HECW2: variants seen among roughly 807,000 people sequenced by gnomAD.
HECW2 encodes the protein HECT, C2 and WW domain containing E3 ubiquitin protein ligase 2.
A neutral mutation model predicts 175.2 loss-of-function variants in HECW2; 61 were observed. That is an observed-to-expected ratio of 0.35 (90% CI 0.28 to 0.43). The LOEUF (loss-of-function observed/expected upper bound fraction) is 0.43, where lower values mean the gene tolerates loss of function less well. HECW2 is among the 20% of genes least tolerant of loss of function. The probability of loss-of-function intolerance (pLI) is 1.00; values close to 1 mark genes in which losing one functional copy is unlikely to be tolerated. For synonymous variants in HECW2, 671 were observed against 731.0 expected, an observed-to-expected ratio of 0.92 and a Z score of 1.32; for missense variants, 1,524 against 2,000.5, an observed-to-expected ratio of 0.76 and a Z score of 4.54.
At chr2:196,485,416 T>C (rs1017559793) in intron 1 of HECW2, among the ~76,000 whole-genome samples, 2 of 152,244 alleles carry the variant, frequency 1.3e-5, no homozygotes, top group African/African-American at 4.8e-5. Context: ...CTCACAGTTC[T>C]GGAGGCTGGA....
chr2:196,341,847 C>T (rs1692763450), intron 3 of HECW2, among the ~76,000 whole-genome samples: 1 of 152,148 alleles, frequency 6.6e-6, no homozygotes, highest in Non-Finnish European at 1.5e-5. Flanking sequence ...TATTTCATGC[C>T]TTTAATGGCA....
chr2:196,373,029 T>C (rs1693950409), intron 2 of HECW2, among the ~76,000 whole-genome samples: 2 of 152,236 alleles, frequency 1.3e-5, no homozygotes, highest in Non-Finnish European at 2.9e-5. Context: ...CACGACCTGG[T>C]GCAGAGTCCA....
At chr2:196,472,484 A>G (rs905949144) in intron 1 of HECW2, among the ~76,000 whole-genome samples, 16 of 95,722 alleles carry the variant, frequency 1.7e-4, no homozygotes, top group African/African-American at 5.4e-4. Flanking sequence ...ACTCCGTCAA[A>G]AAAAAAAAAA....
intron 1 of HECW2, among the ~76,000 whole-genome samples, chr2:196,558,987 A>C (rs1291531067): frequency 6.6e-6 from 1 of 152,224 alleles, no homozygotes; most frequent in African/African-American, 2.4e-5. Flanking sequence ...CTCTTAATAC[A>C]TCATCTCATT....
At chr2:196,485,999 C>T (rs114661721) in intron 1 of HECW2, among the ~76,000 whole-genome samples, 4 of 152,142 alleles carry the variant, frequency 2.6e-5, no homozygotes, top group African/African-American at 7.2e-5. Flanking sequence ...CCACACTATT[C>T]GTAACTCTTA....
At chr2:196,362,074 G>C (rs948994653) in intron 2 of HECW2, 113 of 985,204 alleles carry the variant, frequency 1.1e-4, no homozygotes, top group Non-Finnish European at 1.3e-4. Flanking sequence ...ATACTAGACA[G>C]GATTCCGGCA....
rs1045590961 is a variant in HECW2 at position 196,199,353 on chromosome 2, G to A, written c.*1924C>T. On this transcript the variant is annotated 3_prime_UTR_variant, in exon 29 of 29. Transcript: ENST00000644978. ...TTCTCTTCCAATTATAGAATACAGA[G>A]AGCTCTTCCTTTCTTATTTCCAGAT... 6.6e-6 allele frequency: 1 copy of A among 152,274 alleles called. No homozygotes were observed. Among genetic ancestry groups the A allele is most frequent in the Non-Finnish European group, 1.5e-5 (1 of 67,972 alleles). 9.4% of individuals were successfully genotyped at this position (152,274 alleles called of 1,614,324 possible).
chr2:196,448,661 T>A (rs938270716), intron 1 of HECW2, among the ~76,000 whole-genome samples: 1 of 152,240 alleles, frequency 6.6e-6, no homozygotes, highest in African/African-American at 2.4e-5. Context: ...TCACCTACTG[T>A]TATCTTTGCA....
chr2:196,520,503 G>A (rs1262904319), intron 1 of HECW2, among the ~76,000 whole-genome samples: 1 of 152,160 alleles, frequency 6.6e-6, no homozygotes, highest in Non-Finnish European at 1.5e-5. Context: ...GAAATTCATA[G>A]GGCTTTTAAG....
chr2:196,319,565 C>T lies in HECW2; in HGVS notation c.1325G>A (p.Gly442Asp). ...ACTACTCCTCAGTTTCGGAGAGGCA[C>T]CCATGGACCTCTCAGAGCAGGTCGC... is the stretch of plus-strand genomic sequence containing the variant. The part of the protein sequence containing the change: ...GTATCSERSM[G>D]ASPKLRSSFP... The change falls in exon 9 of 29, where the codon GGT (glycine) becomes GAT (aspartate). Residue 442 changes from glycine to aspartate, a missense_variant. Physicochemically the swap from Gly to Asp is moderately conservative, Grantham distance 94. This residue lies in a region of HECW2 where 604 missense variants were observed against 588.3 expected (regional missense o/e 1.03). Coordinates refer to ENST00000644978, the MANE Select transcript of HECW2 (RefSeq NM_001348768.2). 1.2e-6 allele frequency: 2 copies of T among 1,614,198 alleles called. No homozygotes were observed. The highest frequency in any genetic ancestry group is 1.7e-6 in the Non-Finnish European group (2 of 1,180,038).
In HECW2 at chr2:196,254,251, C is replaced by T. The variant is rs116913167; in HGVS notation, c.3420-222G>A. 9.5e-3 allele frequency among the ~76,000 whole-genome samples: 1,449 copies of T among 152,222 alleles called. 15 individuals carry two copies. Among genetic ancestry groups the T allele is most frequent in the South Asian group, 0.037 (180 of 4,812 alleles). ...CTGTTTTCCTACCAACTTTGGACAA[C>T]GTGACTTTATTTTACTATTTCAACA... On this transcript the variant is annotated intron_variant, in intron 18 of 28. Coordinates refer to ENST00000644978, the MANE Select transcript of HECW2 (RefSeq NM_001348768.2).
chr2:196,250,961 C>A (rs1001802958), intron 19 of HECW2, among the ~76,000 whole-genome samples: 1 of 152,216 alleles, frequency 6.6e-6, no homozygotes, highest in Non-Finnish European at 1.5e-5. Flanking sequence ...CTTCACAGAA[C>A]CTGCTTTGGC....
At chr2:196,449,965 C>T (rs1345091046) in intron 1 of HECW2, among the ~76,000 whole-genome samples, 1 of 152,142 alleles carries the variant, frequency 6.6e-6, no homozygotes, top group Non-Finnish European at 1.5e-5. Context: ...TCCTTGTCTC[C>T]TCTTCTTATA....
At chr2:196,345,165 G>A (rs143711352) in intron 2 of HECW2, among the ~76,000 whole-genome samples, 32 of 152,256 alleles carry the variant, frequency 2.1e-4, no homozygotes, top group East Asian at 7.7e-4. Context: ...TAAACAATGC[G>A]AGCAAACAAC....
rs146626859 is a variant in HECW2 at position 196,389,430 on chromosome 2, C to T, written c.292+43702G>A. Among the ~76,000 whole-genome samples the T allele has an allele frequency of 1.4e-3, 214 of 152,282 alleles. 1 individual carries two copies. Among genetic ancestry groups the T allele is most frequent in the African/African-American group, 4.9e-3 (202 of 41,550 alleles). Reference sequence around the variant, plus strand: ...CTAGGATGTGGTGGATACCATACTCCCCCTTTAGAAGTTCAAAACATGCAT... The same window carrying T: ...CTAGGATGTGGTGGATACCATACTCTCCCTTTAGAAGTTCAAAACATGCAT... On this transcript the variant is annotated intron_variant, in intron 2 of 28. Coordinates refer to ENST00000644978, the MANE Select transcript of HECW2 (RefSeq NM_001348768.2).
In HECW2 at chr2:196,496,322, G is replaced by A. The variant is rs1360435929; in HGVS notation, c.-35-62864C>T. ...CCTAAGACTCAGCATATTTGTTGATGTTTCTGATAATATTTTCTTTTTACT... is the reference window on the plus strand; with the variant it reads ...CCTAAGACTCAGCATATTTGTTGATATTTCTGATAATATTTTCTTTTTACT... On this transcript the variant is annotated intron_variant, in intron 1 of 28. Transcript: ENST00000644978. Among the ~76,000 whole-genome samples, 2 of 151,980 alleles carry A rather than the reference G, an allele frequency of 1.3e-5. 1 individual carries two copies. Among genetic ancestry groups the A allele is most frequent in the Non-Finnish European group, 2.9e-5 (2 of 68,016 alleles).
intron 2 of HECW2, among the ~76,000 whole-genome samples, chr2:196,432,351 C>G (rs1426323759): frequency 6.6e-6 from 1 of 152,070 alleles, no homozygotes; most frequent in African/African-American, 2.4e-5. Flanking sequence ...TTTCTTCATT[C>G]AATGAAAAAG....
chr2:196,198,955 G>C lies in HECW2; in HGVS notation c.*2322C>G, dbSNP rs897107052. 6.6e-6 allele frequency: 1 copy of C among 151,982 alleles called. No homozygotes were observed. Among genetic ancestry groups the C allele is most frequent in the Non-Finnish European group, 1.5e-5 (1 of 67,986 alleles). 9.4% of individuals were successfully genotyped at this position (151,982 alleles called of 1,614,324 possible). The stretch of plus-strand genomic sequence containing the variant: ...CATACATTAAAGTGTACTGTTATTT[G>C]GGAAAAAGTTGGATGCCTTAATAAA... On this transcript the variant is annotated 3_prime_UTR_variant, in exon 29 of 29. Transcript: ENST00000644978.
intron 1 of HECW2, among the ~76,000 whole-genome samples, chr2:196,560,770 G>A (rs981306790): frequency 2.7e-4 from 41 of 152,160 alleles, no homozygotes; most frequent in African/African-American, 7.2e-4. Flanking sequence ...TGCTGAAGCC[G>A]TGACAGAAGA....
Sources: allele counts gnomAD v4.1 joint callset (sites outside exome capture counted in the v4.1 genomes callset), GRCh38; gene constraint gnomAD v4.1.1; regional missense constraint gnomAD v4.1.1; transcripts MANE v1.5; gene names NCBI Gene and HGNC (gene_info 2026-07-23, HGNC 2026-07-21).